The following HHEX variants were observed in gnomAD, a reference collection of about 807,000 sequenced individuals.
The protein encoded by HHEX is hematopoietically expressed homeobox.
Under a neutral mutation model 27.0 loss-of-function variants are expected in HHEX, and 8 were observed. The observed-to-expected ratio is 0.30, with a 90% confidence interval of 0.17 to 0.54. The LOEUF (loss-of-function observed/expected upper bound fraction) is 0.54, where lower values mean the gene tolerates loss of function less well. Ranked by LOEUF, HHEX falls within the 20% of genes least tolerant of loss-of-function variation. The pLI is 0.95. For missense variants in HHEX, 326 were observed against 357.2 expected, an observed-to-expected ratio of 0.91 and a Z score of 0.70; for synonymous variants, 164 against 161.5, an observed-to-expected ratio of 1.02 and a Z score of -0.12.
chr10:92,691,651 C>T (rs1845356273), intron 1 of HHEX: 1 of 152,278 alleles, frequency 6.6e-6, no homozygotes, highest in Admixed American at 6.5e-5. Flanking sequence ...CGGGCCGGGC[C>T]TGGGGGCTAA....
intron 3 of HHEX, among the ~76,000 whole-genome samples, chr10:92,693,842 CT>C (rs778095172): frequency 2.1e-4 from 32 of 152,274 alleles, no homozygotes; most frequent in Non-Finnish European, 3.8e-4. Context: ...TGGTCAAAGG[CT>C]TGACTCTAGT....
chr10:92,690,085 C>T lies in HHEX; in HGVS notation c.99C>T (p.Tyr33=). 1.3e-6 allele frequency: 2 copies of T among 1,547,574 alleles called. No individual in the cohort carries two copies. The highest frequency in any genetic ancestry group is 8.7e-7 in the Non-Finnish European group (1 of 1,145,730). ...LLQPAHPTPF[Y]IEDILGRGPA... ...AACCCGCACACCCGACGCCCTTTTA[C>T]ATCGAGGACATCCTGGGCCGCGGGC... The change falls in exon 1 of 4, where the codon TAC becomes TAT. Residue 33 remains tyrosine, a synonymous_variant. Coordinates refer to ENST00000282728, the MANE Select transcript of HHEX (RefSeq NM_002729.5).
At position 92,692,552 on chromosome 10, in the gene HHEX, C is replaced by T. The variant is rs1845367843; in HGVS notation, c.540+6C>T. The T allele has an allele frequency of 6.2e-7, 1 of 1,613,382 alleles. No homozygotes were observed. The highest frequency in any genetic ancestry group is 1.3e-5 in the African/African-American group (1 of 75,002). ...TGCAGCTCAGCGAGAGACAGGTGAG[C>T]TCGCGGGGGGCCTGGGGCCGCCTCC... On this transcript the variant is annotated splice_donor_region_variant and intron_variant, in intron 2 of 3. Coordinates refer to ENST00000282728, the MANE Select transcript of HHEX (RefSeq NM_002729.5).
rs1845386796 is a variant in HHEX at position 92,694,631 on chromosome 10, A to C, written c.676A>C (p.Asn226His). The C allele has an allele frequency of 6.2e-7, 1 of 1,614,184 alleles. No individual in the cohort carries two copies. The highest frequency in any genetic ancestry group is 8.5e-7 in the Non-Finnish European group (1 of 1,180,010). Reference sequence around the variant, plus strand: ...GAGGCAAGATTTGCCCAGTGAACAGAATAAAGGTGCTTCTTTGGATAGCTC... The same window carrying C: ...GAGGCAAGATTTGCCCAGTGAACAGCATAAAGGTGCTTCTTTGGATAGCTC... ...DQRQDLPSEQNKGASLDSSQC... is the reference protein window; with the variant it reads ...DQRQDLPSEQHKGASLDSSQC... Residue 226 changes from asparagine to histidine, a missense_variant, in exon 4 of 4, where the codon AAT becomes CAT. Asn to His is a moderately conservative substitution (Grantham distance 68). This residue lies in a region of HHEX where 68 missense variants were observed against 84.9 expected (regional missense o/e 0.80). Coordinates refer to ENST00000282728, the MANE Select transcript of HHEX (RefSeq NM_002729.5).
rs1256474929 is a variant in HHEX at position 92,694,837 on chromosome 10, T to G, written c.*69T>G. On this transcript the variant is annotated 3_prime_UTR_variant, in exon 4 of 4. Transcript: ENST00000282728. ...AATGTTTTGCTACAGAAAATCTTCA[T>G]AGAAGAACTGGAAGGCTATATAAGA... 4 of 1,173,854 alleles carry G rather than the reference T, an allele frequency of 3.4e-6. No individual in the cohort carries two copies. Among genetic ancestry groups the G allele is most frequent in the Non-Finnish European group, 5.0e-6 (4 of 802,290 alleles). 72.7% of individuals were successfully genotyped at this position (1,173,854 alleles called of 1,614,324 possible).
chr10:92,690,297 C>G lies in HHEX; in HGVS notation c.311C>G (p.Pro104Arg). The change falls in exon 1 of 4, where the codon CCG becomes CGG. Residue 104 changes from proline to arginine, a missense_variant. Around this residue, in one of 4 missense-constraint regions of HHEX, gnomAD observed 215 missense variants for 196.4 expected, o/e 1.09. Transcript: ENST00000282728. ...GGFGGPLYPF[P>R]RTVNDYTHAL... ...TTCGGGGGCCCTCTGTACCCCTTCCCGCGGACGGTGAACGACTACACGCAC... is the reference window on the plus strand; with the variant it reads ...TTCGGGGGCCCTCTGTACCCCTTCCGGCGGACGGTGAACGACTACACGCAC... 3.2e-6 allele frequency: 5 copies of G among 1,546,654 alleles called. No homozygotes were observed. Among genetic ancestry groups the G allele is most frequent in the Non-Finnish European group, 4.4e-6 (5 of 1,145,634 alleles).
In HHEX at chr10:92,694,745, A is replaced by G. The variant is rs374722314; in HGVS notation, c.790A>G (p.Lys264Glu). 2.5e-6 allele frequency: 4 copies of G among 1,613,368 alleles called. No individual in the cohort carries two copies. The highest frequency in any genetic ancestry group is 2.7e-5 in the African/African-American group (2 of 74,928). Residue 264 changes from lysine (K) to glutamate (E), a missense_variant, in exon 4 of 4, where the codon AAA (lysine) becomes GAA (glutamate). Transcript: ENST00000282728. ...SDQEVDIEGD[K>E]SYFNAG ...TCAGGAAGTGGACATTGAGGGCGAT[A>G]AAAGCTATTTTAATGCTGGATGATG...
At chr10:92,690,613 T>C (rs1297659080) in intron 1 of HHEX, among the ~76,000 whole-genome samples, 1 of 151,832 alleles carries the variant, frequency 6.6e-6, no homozygotes, top group East Asian at 1.9e-4. Context: ...GGACCGCGCG[T>C]GTTACCCGGG....
At chr10:92,694,017 A>G (rs1411343678) in intron 3 of HHEX, among the ~76,000 whole-genome samples, 1 of 152,238 alleles carries the variant, frequency 6.6e-6, no homozygotes, top group East Asian at 1.9e-4. Context: ...GTAACTTGTT[A>G]AACATTTACA....
chr10:92,692,591 C>CT, intron 2 of HHEX, 45 bp downstream of exon 2: 2 of 1,610,598 alleles, frequency 1.2e-6, no homozygotes, highest in Non-Finnish European at 1.7e-6. Context: ...GAAGGGAAGG[C>CT]TTCTGGGGTA....
rs1845340268 is a variant in HHEX, at chr10:92,690,351, A to C, written c.361+4A>C. On this transcript the variant is annotated splice_donor_region_variant and intron_variant, in intron 1 of 3. Coordinates refer to ENST00000282728, the MANE Select transcript of HHEX (RefSeq NM_002729.5). ...CTGCTCCGCCACGACCCCCTGGGTA[A>C]GGCGGCCGGGCGAGGGTGGGGGCGA... 6.9e-7 allele frequency: 1 copy of C among 1,454,216 alleles called. No homozygotes were observed. The highest frequency in any genetic ancestry group is 1.4e-5 in the South Asian group (1 of 72,248). The allele number at this position is 1,454,216 out of a possible 1,614,324, so 90.1% of individuals were successfully genotyped here.
At chr10:92,692,052 T>C (rs1845360124) in intron 1 of HHEX, 1 of 212,760 alleles carries the variant, frequency 4.7e-6, no homozygotes, top group Non-Finnish European at 9.5e-6. Flanking sequence ...AAGAGGGTCG[T>C]GGTATTGTAA....
At chr10:92,692,603 G>T (rs938886206) in intron 2 of HHEX, 57 bp downstream of exon 2, 28 of 1,595,006 alleles carry the variant, frequency 1.8e-5, no homozygotes, top group Non-Finnish European at 2.2e-5. Context: ...TCTGGGGTAG[G>T]GGTCGCCGGG....
chr10:92,694,479 G>A, intron 3 of HHEX, 68 bp from the exon 4 acceptor site: 1 of 1,156,524 alleles, frequency 8.6e-7, no homozygotes, highest in Non-Finnish European at 1.3e-6. Flanking sequence ...GAGACATTTT[G>A]ATTTATTCCT....
intron 1 of HHEX, among the ~76,000 whole-genome samples, 160 bp downstream of exon 1, chr10:92,690,507 G>C (rs1336575073): frequency 6.6e-6 from 1 of 152,102 alleles, no homozygotes; most frequent in Non-Finnish European, 1.5e-5. Context: ...GCGCGCGGCC[G>C]GGGCTGACCG....
Position 92,690,272 on chromosome 10 carries a change from T to C in HHEX, c.286T>C (p.Phe96Leu). The change falls in exon 1 of 4, where the codon TTC becomes CTC. Residue 96 changes from phenylalanine (F) to leucine (L), a missense_variant. By Grantham distance (22) the Phe-to-Leu change is conservative. Coordinates refer to ENST00000282728, the MANE Select transcript of HHEX (RefSeq NM_002729.5). ...ALAAAYGPGG[F>L]GGPLYPFPRT... Reference sequence around the variant, plus strand: ...GGCCGCTGCCTACGGACCCGGCGGCTTCGGGGGCCCTCTGTACCCCTTCCC... The same window carrying C: ...GGCCGCTGCCTACGGACCCGGCGGCCTCGGGGGCCCTCTGTACCCCTTCCC... 6.4e-7 allele frequency: 1 copy of C among 1,554,844 alleles called. No individual in the cohort carries two copies. Among genetic ancestry groups the C allele is most frequent in the South Asian group, 1.2e-5 (1 of 84,476 alleles).
intron 1 of HHEX, chr10:92,691,805 C>G (rs983246521): frequency 2.0e-5 from 3 of 152,454 alleles, no homozygotes; most frequent in Non-Finnish European, 2.9e-5. Flanking sequence ...ACTGGCCGCC[C>G]CCGCGGGCTG....
chr10:92,693,763 G>A (rs888521310), intron 3 of HHEX, among the ~76,000 whole-genome samples: 1 of 152,152 alleles, frequency 6.6e-6, no homozygotes, highest in Non-Finnish European at 1.5e-5. Context: ...ATATTTCTAT[G>A]TAGTATTTAT....
Position 92,692,389 on chromosome 10 carries a change from C to T in HHEX, c.383C>T (p.Pro128Leu), listed in dbSNP as rs765838543. ...GCAGGCAAACCTCTACTCTGGAGCC[C>T]CTTCTTGCAGAGGCCTCTGCATAAA... ...DPLGKPLLWS[P>L]FLQRPLHKRK... The change falls in exon 2 of 4, where the codon CCC becomes CTC. Residue 128 changes from proline to leucine, a missense_variant. This residue lies in a region of HHEX where 215 missense variants were observed against 196.4 expected (regional missense o/e 1.09). Transcript: ENST00000282728. 1 of 1,613,814 alleles carries T rather than the reference C, an allele frequency of 6.2e-7. No individual in the cohort carries two copies.
Sources: allele counts gnomAD v4.1 joint callset (sites outside exome capture counted in the v4.1 genomes callset), GRCh38; gene constraint gnomAD v4.1.1; regional missense constraint gnomAD v4.1.1; transcripts MANE v1.5; gene names NCBI Gene and HGNC (gene_info 2026-07-23, HGNC 2026-07-21).